The following CEP85 variants were observed in gnomAD, a reference collection of about 807,000 sequenced individuals.
CEP85 encodes the protein centrosomal protein of 85 kDa.
A neutral mutation model predicts 93.7 loss-of-function variants in CEP85; 58 were observed. That is an observed-to-expected ratio of 0.62 (90% CI 0.50 to 0.77). CEP85 has a LOEUF of 0.77. CEP85 is among the 30% of genes least tolerant of loss of function. The pLI is 0.00. For missense variants in CEP85, 868 were observed against 922.0 expected (o/e 0.94, Z 0.76); for synonymous variants, 314 against 338.6 (o/e 0.93, Z 0.80).
intron 2 of CEP85, among the ~76,000 whole-genome samples, 164 bp from the exon 3 acceptor site, chr1:26,244,002 A>AAC (rs1310023156): frequency 1.4e-4 from 5 of 36,072 alleles, no homozygotes; most frequent in Non-Finnish European, 4.7e-4. Flanking sequence ...AAAAAAAAAA[A>AAC]AAAAAAAAAA....
chr1:26,259,823 C>A, intron 7 of CEP85, 21 bp downstream of exon 7: 1 of 1,583,326 alleles, frequency 6.3e-7, no homozygotes, highest in South Asian at 1.2e-5. Flanking sequence ...TAGCTGATAG[C>A]CCTAGTTCAC....
At chr1:26,264,980 C>CTTTT (rs766050519) in intron 7 of CEP85, among the ~76,000 whole-genome samples, 3 of 92,886 alleles carry the variant, frequency 3.2e-5, no homozygotes, top group South Asian at 4.0e-4. Context: ...CCACACCCGG[C>CTTTT]TTTTTTTTTT....
chr1:26,276,409 G>A (rs1570054968), intron 12 of CEP85, 126 bp from the exon 13 acceptor site: 1 of 718,942 alleles, frequency 1.4e-6, no homozygotes, highest in East Asian at 2.7e-5. Context: ...GTTGGCAGGG[G>A]TAGGGTTGGG....
intron 4 of CEP85, among the ~76,000 whole-genome samples, 184 bp from the exon 5 acceptor site, chr1:26,257,413 G>A (rs967000713): frequency 2.0e-5 from 3 of 152,176 alleles, no homozygotes; most frequent in Non-Finnish European, 2.9e-5. Flanking sequence ...TGTTCAGTTG[G>A]CAGAAGCCTT....
In CEP85 at chr1:26,255,755, C is replaced by G. The variant is rs1196671450; in HGVS notation, c.793C>G (p.Gln265Glu). ...APGLSKPLPS[Q>E]VWQPSPDTWH... ...CGGGCTCTCCAAGCCTCTGCCCTCT[C>G]AGGTGTGGCAGCCGAGTCCTGACAC... The change falls in exon 4 of 14, where the codon CAG (glutamine) becomes GAG (glutamate). Residue 265 changes from glutamine to glutamate, a missense_variant. Gln to Glu is a conservative substitution (Grantham distance 29, BLOSUM62 2). Coordinates refer to ENST00000451429, the MANE Select transcript of CEP85 (RefSeq NM_001319944.2). 1 of 1,614,192 alleles carries G rather than the reference C, an allele frequency of 6.2e-7. No individual in the cohort carries two copies. Among genetic ancestry groups the G allele is most frequent in the East Asian group, 2.2e-5 (1 of 44,890 alleles).
At chr1:26,264,339 C>T (rs1019594468) in intron 7 of CEP85, among the ~76,000 whole-genome samples, 2 of 152,092 alleles carry the variant, frequency 1.3e-5, no homozygotes, top group African/African-American at 4.8e-5. Context: ...TCAAGACCAG[C>T]CTGGCCAACA....
At chr1:26,266,101 C>T (rs1414480619) in intron 7 of CEP85, among the ~76,000 whole-genome samples, 3 of 151,736 alleles carry the variant, frequency 2.0e-5, no homozygotes, top group Admixed American at 6.6e-5. Context: ...CCCAGCTCCT[C>T]GGGAGGCTGA....
At position 26,255,689 on chromosome 1, in the gene CEP85, A is replaced by C. The variant is rs150424067; in HGVS notation, c.727A>C (p.Asn243His). ...GTTTGAGCGGAATGGACCACATTCT[A>C]ATAGCAGTGGGGTCCTCCCTTTGGG... Reference protein sequence around the residue: ...AVFERNGPHSNSSGVLPLGLQ... With the variant: ...AVFERNGPHSHSSGVLPLGLQ... The change falls in exon 4 of 14, where the codon AAT (asparagine) becomes CAT (histidine). Residue 243 changes from asparagine (N) to histidine (H), a missense_variant. By Grantham distance (68) the Asn-to-His change is moderately conservative (BLOSUM62 1). Transcript: ENST00000451429. The C allele has an allele frequency of 3.0e-5, 49 of 1,613,996 alleles. No individual in the cohort carries two copies. The highest frequency in any genetic ancestry group is 3.9e-5 in the Non-Finnish European group (46 of 1,180,018).
chr1:26,271,175 G>A, intron 10 of CEP85, 68 bp downstream of exon 10: 2 of 991,060 alleles, frequency 2.0e-6, no homozygotes, highest in East Asian at 4.8e-5. Context: ...TGTATTAGGA[G>A]GGATACGTGA....
Position 26,269,605 on chromosome 1 carries a change from C to T in CEP85, c.1640C>T (p.Ala547Val), listed in dbSNP as rs183440117. The T allele has an allele frequency of 3.7e-6, 6 of 1,613,214 alleles. No homozygotes were observed. Among genetic ancestry groups the T allele is most frequent in the African/African-American group, 2.7e-5 (2 of 75,008 alleles). The change falls in exon 9 of 14, where the codon GCT becomes GTT. Residue 547 changes from alanine (A) to valine (V), a missense_variant. Transcript: ENST00000451429. The part of the protein sequence containing the change: ...LRQREAEFSS[A>V]GHSLQDKQSV... ...CAGAGAGAAGCAGAATTCTCCTCCG[C>T]TGGACATAGGTAAATAACCCTGTGG...
chr1:26,234,486 T>G (rs1427638446), intron 1 of CEP85, among the ~76,000 whole-genome samples, 176 bp downstream of exon 1: 1 of 152,172 alleles, frequency 6.6e-6, no homozygotes, highest in Non-Finnish European at 1.5e-5. Context: ...TCGCGTCCCA[T>G]TCCCCTCGCT....
chr1:26,242,348 T>G (rs1002309242), intron 2 of CEP85, among the ~76,000 whole-genome samples: 1 of 151,856 alleles, frequency 6.6e-6, no homozygotes, highest in Non-Finnish European at 1.5e-5. Context: ...AAGGTGGGAT[T>G]TCTTTGCTTT....
intron 3 of CEP85, among the ~76,000 whole-genome samples, chr1:26,253,839 C>G (rs111355088): frequency 3.2e-4 from 49 of 151,396 alleles, no homozygotes; most frequent in Admixed American, 3.2e-3. Flanking sequence ...CCCATGAGTT[C>G]GAGACCAGTC....
In CEP85 at chr1:26,277,575, T is replaced by G; in HGVS notation, c.*282T>G. 1 of 300,340 alleles carries G rather than the reference T, an allele frequency of 3.3e-6. No individual in the cohort carries two copies. Among genetic ancestry groups the G allele is most frequent in the Non-Finnish European group, 6.5e-6 (1 of 154,702 alleles). 18.6% of individuals were successfully genotyped at this position (300,340 alleles called of 1,614,324 possible). A position where few individuals can be genotyped will look rare whatever the true frequency, so the allele number is the denominator to read the frequency against. ...TCACAAACTGTTCCCAGCCCTAGGC[T>G]GACATGAGAGACGAACAGGCTGTCC... On this transcript the variant is annotated 3_prime_UTR_variant, in exon 14 of 14. Coordinates refer to ENST00000451429, the MANE Select transcript of CEP85 (RefSeq NM_001319944.2).
chr1:26,248,750 C>G (rs1305876237), intron 3 of CEP85, among the ~76,000 whole-genome samples: 6 of 29,262 alleles, frequency 2.1e-4, no homozygotes, highest in African/African-American at 9.0e-4. Context: ...TTTTTGAGAC[C>G]GAGTCTCGCT....
intron 3 of CEP85, among the ~76,000 whole-genome samples, chr1:26,251,547 G>A (rs576265939): frequency 3.9e-3 from 598 of 151,942 alleles, no homozygotes; most frequent in Middle Eastern, 0.017. Context: ...CACCATGCCC[G>A]GCCCCAAGCT....
intron 7 of CEP85, among the ~76,000 whole-genome samples, chr1:26,263,952 G>A (rs542192653): frequency 4.6e-5 from 7 of 152,328 alleles, no homozygotes; most frequent in African/African-American, 1.4e-4. Context: ...AGTATGAGCA[G>A]ATTTGGATAT....
At chr1:26,269,209 CA>C (rs1301051604) in intron 8 of CEP85, 1 of 479,794 alleles carries the variant, frequency 2.1e-6, no homozygotes, top group Non-Finnish European at 3.8e-6. Flanking sequence ...CAACCCTAGC[CA>C]ATAGGGGAAC....
chr1:26,258,119 A>G (rs1314946516), intron 5 of CEP85, 24 bp from the exon 6 acceptor site: 1 of 1,546,754 alleles, frequency 6.5e-7, no homozygotes, highest in African/African-American at 1.4e-5. Flanking sequence ...CAGGACCCTG[A>G]CCTGATTCTA....
Sources: allele counts gnomAD v4.1 joint callset (sites outside exome capture counted in the v4.1 genomes callset), GRCh38; gene constraint gnomAD v4.1.1; transcripts MANE v1.5; gene names NCBI Gene and HGNC (gene_info 2026-07-23, HGNC 2026-07-21).